Variants in LRRC4C observed in about 807,000 individuals in gnomAD.
LRRC4C encodes the protein leucine rich repeat containing 4C, also known as leucine-rich repeat-containing protein 4C.
A neutral mutation model predicts 33.6 loss-of-function variants in LRRC4C; 5 were observed. That is an observed-to-expected ratio of 0.15 (90% CI 0.08 to 0.31). The LOEUF is 0.31. Among genes scored for constraint, LRRC4C ranks in the 10% least tolerant of loss-of-function variants. The pLI is 1.00. For missense variants in LRRC4C, 560 were observed against 796.7 expected, an observed-to-expected ratio of 0.70 and a Z score of 3.58; for synonymous variants, 329 against 302.0, an observed-to-expected ratio of 1.09 and a Z score of -0.93.
chr11:40,576,281 T>C (rs1473363225), intron 3 of LRRC4C, among the ~76,000 whole-genome samples: 1 of 152,218 alleles, frequency 6.6e-6, no homozygotes, highest in Non-Finnish European at 1.5e-5. Flanking sequence ...ACTCCTAAAT[T>C]GTGGAACTAA....
At chr11:40,269,218 G>T (rs1170917161) in intron 4 of LRRC4C, among the ~76,000 whole-genome samples, 2 of 152,118 alleles carry the variant, frequency 1.3e-5, no homozygotes, top group Non-Finnish European at 2.9e-5. Context: ...AAGCAATCAA[G>T]TCAACATAAA....
chr11:40,310,300 T>C (rs1945239066), intron 4 of LRRC4C, among the ~76,000 whole-genome samples: 1 of 152,176 alleles, frequency 6.6e-6, no homozygotes, highest in South Asian at 2.1e-4. Context: ...GGTCCCTGAA[T>C]TCCTTAGGAA....
chr11:41,190,587 C>T (rs930982088), intron 1 of LRRC4C, among the ~76,000 whole-genome samples: 1 of 152,162 alleles, frequency 6.6e-6, no homozygotes, highest in Admixed American at 6.5e-5. Context: ...ACATAGATTA[C>T]CCAGTCCTCA....
intron 2 of LRRC4C, among the ~76,000 whole-genome samples, chr11:40,775,900 A>G (rs1165223884): frequency 6.6e-6 from 1 of 151,982 alleles, no homozygotes; most frequent in Non-Finnish European, 1.5e-5. Flanking sequence ...CAGTATGTTA[A>G]CTGTGGGTTT....
chr11:41,153,785 C>A (rs1944105554), intron 1 of LRRC4C, among the ~76,000 whole-genome samples: 1 of 152,120 alleles, frequency 6.6e-6, no homozygotes, highest in African/African-American at 2.4e-5. Flanking sequence ...ATCCTTGGAA[C>A]TTGTAAATAT....
chr11:41,379,379 T>A (rs1953058672), intron 1 of LRRC4C, among the ~76,000 whole-genome samples: 1 of 152,034 alleles, frequency 6.6e-6, no homozygotes, highest in African/African-American at 2.4e-5. Flanking sequence ...ACAGAGTGAG[T>A]GGTAGAAAAA....
rs552447520 is a variant in LRRC4C at position 40,720,691 on chromosome 11, T to C, written c.-406-72413A>G. Among the ~76,000 whole-genome samples, 10 of 152,312 alleles carry C rather than the reference T, an allele frequency of 6.6e-5. No individual in the cohort carries two copies. In the South Asian group the frequency reaches 8.3e-4, roughly 13 times the overall value. On this transcript the variant is annotated intron_variant, in intron 2 of 6. Transcript: ENST00000528697. ...AAAGTGATAATCTTGTGTAACTTGA[T>C]AGAGGTCTCAGAACAATATACGATT...
chr11:41,183,013 T>C (rs1945522822), intron 1 of LRRC4C, among the ~76,000 whole-genome samples: 1 of 152,076 alleles, frequency 6.6e-6, no homozygotes, highest in South Asian at 2.1e-4. Context: ...AACCATCAGA[T>C]GTCATGAGAC....
At chr11:40,366,813 A>G (rs1323544539) in intron 3 of LRRC4C, among the ~76,000 whole-genome samples, 2 of 152,064 alleles carry the variant, frequency 1.3e-5, no homozygotes, top group Non-Finnish European at 2.9e-5. Flanking sequence ...TGCAGCTAAC[A>G]AGGTATCTGA....
intron 1 of LRRC4C, among the ~76,000 whole-genome samples, chr11:41,456,224 A>G (rs1244811227): frequency 6.6e-6 from 1 of 152,160 alleles, no homozygotes; most frequent in East Asian, 1.9e-4. Flanking sequence ...GCATCAGCTC[A>G]GCTCTTTGAG....
chr11:40,527,875 A>C (rs1956119844), intron 3 of LRRC4C, among the ~76,000 whole-genome samples: 1 of 151,974 alleles, frequency 6.6e-6, no homozygotes, highest in African/African-American at 2.4e-5. Context: ...CAGCCTCCCA[A>C]GTAGCTGGGA....
intron 3 of LRRC4C, among the ~76,000 whole-genome samples, chr11:40,531,834 G>A (rs2135316274): frequency 6.6e-6 from 1 of 151,584 alleles, no homozygotes; most frequent in East Asian, 1.9e-4. Context: ...AAAGAAGACA[G>A]TAAGAAAAAC....
intron 2 of LRRC4C, among the ~76,000 whole-genome samples, chr11:40,688,087 C>T (rs11036017): frequency 0.24 from 36,428 of 151,818 alleles, 7,091 homozygotes; most frequent in African/African-American, 0.54. Flanking sequence ...TGAATTATTT[C>T]TGTCAGTCAC....
intron 1 of LRRC4C, among the ~76,000 whole-genome samples, chr11:41,436,006 C>G (rs998962217): frequency 2.0e-5 from 3 of 152,120 alleles, no homozygotes; most frequent in Non-Finnish European, 2.9e-5. Flanking sequence ...GAGTTCGAGA[C>G]CAGCCTGGCC....
intron 1 of LRRC4C, among the ~76,000 whole-genome samples, chr11:41,456,966 AG>A (rs1564965218): frequency 1.3e-5 from 2 of 152,236 alleles, no homozygotes; most frequent in African/African-American, 4.8e-5. Context: ...AGCTGTAATC[AG>A]AAAATCCTGA....
chr11:40,904,952 G>C (rs913407649), intron 2 of LRRC4C, among the ~76,000 whole-genome samples: 3 of 152,104 alleles, frequency 2.0e-5, no homozygotes, highest in African/African-American at 4.8e-5. Flanking sequence ...AAAGCTGCAG[G>C]CCCCTCATGT....
At chr11:40,789,606 GT>G (rs79178717) in intron 2 of LRRC4C, among the ~76,000 whole-genome samples, 30,658 of 152,008 alleles carry the variant, frequency 0.2, 4,438 homozygotes, top group African/African-American at 0.41. Flanking sequence ...ATGTAGCTGG[GT>G]ACTGTCAGCT....
chr11:41,011,617 G>T (rs1171296351), intron 1 of LRRC4C, among the ~76,000 whole-genome samples: 1 of 151,598 alleles, frequency 6.6e-6, no homozygotes, highest in Non-Finnish European at 1.5e-5. Context: ...TGCAACATGG[G>T]TACATTTCTA....
chr11:41,222,863 T>C (rs1313728350), intron 1 of LRRC4C: 3 of 148,106 alleles, frequency 2.0e-5, no homozygotes, highest in Middle Eastern at 3.3e-3. Context: ...AAAAGAATGC[T>C]GGTCCAGGCT....
Sources: allele counts gnomAD v4.1 joint callset (sites outside exome capture counted in the v4.1 genomes callset), GRCh38; gene constraint gnomAD v4.1.1; transcripts MANE v1.5; gene names NCBI Gene and HGNC (gene_info 2026-07-23, HGNC 2026-07-21).